The following PBX3 variants were observed in gnomAD, a reference collection of about 807,000 sequenced individuals.
The protein encoded by PBX3 is PBX homeobox 3.
A neutral mutation model predicts 48.5 loss-of-function variants in PBX3; 14 were observed. The ratio of observed to expected loss-of-function variants is 0.29; its 90% confidence interval spans 0.19 to 0.45. PBX3 has a LOEUF of 0.45. Among genes scored for constraint, PBX3 ranks in the 20% least tolerant of loss-of-function variants. The pLI is 1.00. For missense variants in PBX3, 386 were observed against 546.7 expected, an observed-to-expected ratio of 0.71 and a Z score of 2.93; for synonymous variants, 210 against 200.3, an observed-to-expected ratio of 1.05 and a Z score of -0.41.
intron 2 of PBX3, among the ~76,000 whole-genome samples, chr9:125,887,962 G>A (rs1840539779): frequency 1.3e-5 from 2 of 152,126 alleles, no homozygotes; most frequent in Admixed American, 1.3e-4. Context: ...CATTTCTTAA[G>A]TGCAAATGTG....
chr9:125,868,852 G>C (rs1037979126), intron 2 of PBX3, among the ~76,000 whole-genome samples: 2 of 152,288 alleles, frequency 1.3e-5, no homozygotes, highest in Non-Finnish European at 2.9e-5. Flanking sequence ...TAAAATGCCT[G>C]TCTTTTCTGG....
chr9:125,859,963 AC>A (rs1439158409), intron 2 of PBX3, among the ~76,000 whole-genome samples: 1 of 152,168 alleles, frequency 6.6e-6, no homozygotes, highest in Non-Finnish European at 1.5e-5. Context: ...CTGAAAAAAC[AC>A]TCACTCAAAT....
At chr9:125,812,024 G>A (rs900115442) in intron 2 of PBX3, among the ~76,000 whole-genome samples, 1 of 152,158 alleles carries the variant, frequency 6.6e-6, no homozygotes, top group African/African-American at 2.4e-5. Flanking sequence ...GAACTTATTT[G>A]TCCTTTCTGC....
At chr9:125,873,222 C>G (rs1267163689) in intron 2 of PBX3, among the ~76,000 whole-genome samples, 3 of 151,422 alleles carry the variant, frequency 2.0e-5, no homozygotes, top group African/African-American at 4.9e-5. Context: ...CAAAAATTGA[C>G]AGAATTTCAA....
chr9:125,905,646 C>A (rs1309457374), intron 2 of PBX3, among the ~76,000 whole-genome samples: 3 of 151,824 alleles, frequency 2.0e-5, no homozygotes. Flanking sequence ...TATTCATCAC[C>A]ATGAAAATTT....
At chr9:125,853,266 A>G (rs12337525) in intron 2 of PBX3, among the ~76,000 whole-genome samples, 2 of 152,114 alleles carry the variant, frequency 1.3e-5, no homozygotes, top group African/African-American at 4.8e-5. Flanking sequence ...ATTTACCTCA[A>G]AATATAGCCA....
At chr9:125,828,640 A>G (rs1342270620) in intron 2 of PBX3, among the ~76,000 whole-genome samples, 1 of 152,196 alleles carries the variant, frequency 6.6e-6, no homozygotes, top group Non-Finnish European at 1.5e-5. Context: ...ATCAGACCAA[A>G]CATAGTAACT....
At chr9:125,754,495 A>C (rs1229443100) in intron 2 of PBX3, among the ~76,000 whole-genome samples, 1 of 152,126 alleles carries the variant, frequency 6.6e-6, no homozygotes, top group African/African-American at 2.4e-5. Flanking sequence ...ACAAATTGCT[A>C]TCACATCTAG....
At chr9:125,923,552 A>G (rs1235271097) in intron 3 of PBX3, among the ~76,000 whole-genome samples, 2 of 152,112 alleles carry the variant, frequency 1.3e-5, no homozygotes, top group African/African-American at 4.8e-5. Context: ...AGAAAAATTT[A>G]AAGTATTTAC....
At position 125,861,549 on chromosome 9, in the gene PBX3, C is replaced by G. The variant is rs115813363; in HGVS notation, c.275-54137C>G. ...CACAGATGTTCATAGCAGCATTACT[C>G]ATAATAGCCAAGAAATAAAACAACC... On this transcript the variant is annotated intron_variant, in intron 2 of 8. Coordinates refer to ENST00000373489, the MANE Select transcript of PBX3 (RefSeq NM_006195.6). 2.5e-3 allele frequency among the ~76,000 whole-genome samples: 384 copies of G among 152,174 alleles called. 3 individuals are homozygous for G. The highest frequency in any genetic ancestry group is 8.4e-3 in the African/African-American group (349 of 41,536).
chr9:125,808,421 A>G (rs1427983064), intron 2 of PBX3, among the ~76,000 whole-genome samples: 1 of 152,116 alleles, frequency 6.6e-6, no homozygotes, highest in Non-Finnish European at 1.5e-5. Flanking sequence ...CACCCCTGTA[A>G]TCCCAACACG....
intron 2 of PBX3, among the ~76,000 whole-genome samples, chr9:125,796,453 A>G (rs1248619469): frequency 6.6e-6 from 1 of 152,128 alleles, no homozygotes; most frequent in African/African-American, 2.4e-5. Flanking sequence ...AAGCCTTTAA[A>G]GTTGAGTGGA....
chr9:125,840,058 A>G (rs2132226246), intron 2 of PBX3, among the ~76,000 whole-genome samples: 1 of 152,186 alleles, frequency 6.6e-6, no homozygotes, highest in South Asian at 2.1e-4. Flanking sequence ...ATCAGCAGAG[A>G]GATTTTTAAA....
At chr9:125,799,203 T>C (rs1837867967) in intron 2 of PBX3, among the ~76,000 whole-genome samples, 1 of 152,202 alleles carries the variant, frequency 6.6e-6, no homozygotes, top group African/African-American at 2.4e-5. Context: ...AGTATGGAGA[T>C]GACCAGAAGT....
chr9:125,755,408 G>A (rs772800404), intron 2 of PBX3, among the ~76,000 whole-genome samples: 16 of 152,128 alleles, frequency 1.1e-4, no homozygotes, highest in Admixed American at 3.9e-4. Flanking sequence ...AACAGTGTGC[G>A]GTAAAAGTGT....
intron 2 of PBX3, among the ~76,000 whole-genome samples, chr9:125,910,296 C>T (rs1182817919): frequency 6.6e-6 from 1 of 152,000 alleles, no homozygotes; most frequent in Non-Finnish European, 1.5e-5. Flanking sequence ...ACGTCAGGGC[C>T]CTAACAGGAT....
intron 5 of PBX3, among the ~76,000 whole-genome samples, chr9:125,958,637 G>T (rs982554406): frequency 5.9e-5 from 9 of 152,196 alleles, no homozygotes; most frequent in Non-Finnish European, 1.2e-4. Context: ...GAGAGATCAG[G>T]ACCACAAAGA....
intron 2 of PBX3, among the ~76,000 whole-genome samples, chr9:125,892,546 A>G (rs1840673658): frequency 6.6e-6 from 1 of 152,168 alleles, no homozygotes; most frequent in South Asian, 2.1e-4. Context: ...TTATGATACT[A>G]TTTCACATTT....
intron 3 of PBX3, among the ~76,000 whole-genome samples, chr9:125,926,377 G>C (rs2132501484): frequency 6.6e-6 from 1 of 151,616 alleles, no homozygotes; most frequent in East Asian, 2.0e-4. Context: ...AAAATTAGCT[G>C]GGCGCAGTGG....
Sources: gnomAD v4.1 joint callset for allele counts (sites outside exome capture counted in the v4.1 genomes callset) on GRCh38, gnomAD v4.1.1 for gene constraint, MANE v1.5 for transcripts, NCBI Gene and HGNC (gene_info 2026-07-23, HGNC 2026-07-21) for gene names.